The following TENM2 variants were observed in gnomAD, a reference collection of about 807,000 sequenced individuals.
TENM2 encodes teneurin-2.
In TENM2, 52 loss-of-function variants were observed where a neutral mutation model predicts 245.2. The ratio of observed to expected loss-of-function variants is 0.21; its 90% CI spans 0.17 to 0.27. TENM2 has a LOEUF of 0.27. TENM2 is among the 10% of genes least tolerant of loss of function. TENM2 has a pLI of 1.00. For synonymous variants in TENM2, 1,363 were observed against 1,438.9 expected, an observed-to-expected ratio of 0.95 and a Z score of 1.19; for missense variants, 3,046 against 3,666.8, an observed-to-expected ratio of 0.83 and a Z score of 4.37.
chr5:167,336,779 C>T (rs554504118), intron 1 of TENM2, among the ~76,000 whole-genome samples: 2 of 150,562 alleles, frequency 1.3e-5, no homozygotes, highest in Admixed American at 6.6e-5. Context: ...TTTGGATTTT[C>T]AGATTAGGGA....
At chr5:168,109,475 C>T (rs560227254) in intron 9 of TENM2, among the ~76,000 whole-genome samples, 2 of 152,308 alleles carry the variant, frequency 1.3e-5, no homozygotes, top group East Asian at 1.9e-4. Context: ...AAGACCCTTG[C>T]CCAGGTATGG....
the TENM2 span, among the ~76,000 whole-genome samples, chr5:167,144,379 C>T: frequency 6.6e-6 from 1 of 152,184 alleles, no homozygotes; most frequent in African/African-American, 2.4e-5. Context: ...ATTAAGCGGG[C>T]AGTTGTCTCA....
chr5:167,773,738 T>C (rs182520809), intron 2 of TENM2, among the ~76,000 whole-genome samples: 2 of 152,214 alleles, frequency 1.3e-5, no homozygotes, highest in African/African-American at 2.4e-5. Flanking sequence ...ATTTTTTTTT[T>C]AAATGAAGCC....
chr5:168,254,732 A>G (rs906004319), intron 27 of TENM2, among the ~76,000 whole-genome samples: 7 of 152,134 alleles, frequency 4.6e-5, no homozygotes, highest in East Asian at 1.9e-4. Flanking sequence ...AAAGATCCCA[A>G]TGAGGAGAGT....
intron 3 of TENM2, among the ~76,000 whole-genome samples, chr5:167,883,727 C>T (rs942454318): frequency 3.3e-5 from 5 of 152,178 alleles, no homozygotes; most frequent in Non-Finnish European, 7.3e-5. Context: ...CAGTTTCGTG[C>T]CCTAGTAATT....
Position 167,387,172 on chromosome 5 carries a change from A to G in TENM2, c.502+11699A>G, listed in dbSNP as rs570369138. On this transcript the variant is annotated intron_variant, in intron 2 of 28. Coordinates refer to ENST00000518659, the Ensembl canonical transcript of TENM2. Reference sequence around the variant, plus strand: ...GTGTTTCCATTTGTTTGTGTCGCCTATGATTTCTTTAGGCAGTGTTTTGTA... The same window carrying G: ...GTGTTTCCATTTGTTTGTGTCGCCTGTGATTTCTTTAGGCAGTGTTTTGTA... Among the ~76,000 whole-genome samples, 5 of 152,152 alleles carry G rather than the reference A, an allele frequency of 3.3e-5. 1 individual carries two copies. Among genetic ancestry groups the G allele is most frequent in the South Asian group, 2.1e-4 (1 of 4,826 alleles).
At chr5:167,247,848 A>C in the TENM2 span, among the ~76,000 whole-genome samples, 1 of 152,142 alleles carries the variant, frequency 6.6e-6, no homozygotes. Context: ...AGGAACATGA[A>C]ATTAAATGTT....
the TENM2 span, among the ~76,000 whole-genome samples, chr5:167,115,843 G>A: frequency 6.6e-6 from 1 of 152,132 alleles, no homozygotes; most frequent in Admixed American, 6.5e-5. Flanking sequence ...GTATAAAATA[G>A]GGGTCAAGAG....
the TENM2 span, among the ~76,000 whole-genome samples, chr5:167,006,950 C>T: frequency 2.3e-4 from 35 of 152,266 alleles, no homozygotes; most frequent in Middle Eastern, 3.4e-3. Context: ...GTATTACAGG[C>T]GTGAGCCACC....
At chr5:167,047,282 C>G in the TENM2 span, among the ~76,000 whole-genome samples, 1 of 152,182 alleles carries the variant, frequency 6.6e-6, no homozygotes, top group Non-Finnish European at 1.5e-5. Flanking sequence ...AGCTTTTCTA[C>G]ACTGCTTGGT....
intron 20 of TENM2, 129 bp from the exon 23 acceptor site, chr5:168,214,911 T>C: frequency 1.3e-6 from 1 of 757,700 alleles, no homozygotes; most frequent in South Asian, 1.5e-5. Flanking sequence ...TTAGATTCTT[T>C]CCAGTTCACT....
At chr5:167,819,247 A>G (rs1259835907) in intron 2 of TENM2, among the ~76,000 whole-genome samples, 2 of 152,058 alleles carry the variant, frequency 1.3e-5, no homozygotes, top group African/African-American at 4.8e-5. Flanking sequence ...TGTGTTCTCT[A>G]TCCATTGCTT....
At chr5:167,400,185 G>A (rs1282031677) in intron 2 of TENM2, among the ~76,000 whole-genome samples, 1 of 152,102 alleles carries the variant, frequency 6.6e-6, no homozygotes, top group African/African-American at 2.4e-5. Context: ...GAGAGAAGCA[G>A]GACTTGAACC....
chr5:167,686,840 A>T (rs1383811017), intron 2 of TENM2, among the ~76,000 whole-genome samples: 1 of 152,154 alleles, frequency 6.6e-6, no homozygotes, highest in Non-Finnish European at 1.5e-5. Context: ...CCCCATTTCT[A>T]TTAGGTTGAT....
the TENM2 span, among the ~76,000 whole-genome samples, chr5:167,082,179 C>T: frequency 1.3e-5 from 2 of 152,128 alleles, no homozygotes; most frequent in African/African-American, 4.8e-5. Context: ...ATGATTACTA[C>T]AGCATTATTA....
In TENM2 at chr5:168,216,757, G is replaced by A. The variant is rs752344112; in HGVS notation, c.4079-11G>A. 3.1e-6 allele frequency: 5 copies of A among 1,613,638 alleles called. No homozygotes were observed. The highest frequency in any genetic ancestry group is 3.4e-6 in the Non-Finnish European group (4 of 1,179,746). On this transcript the variant is annotated splice_polypyrimidine_tract_variant and intron_variant, in intron 21 of 28. Coordinates refer to ENST00000518659, the Ensembl canonical transcript of TENM2. ...TCCAAGAGATAAATCCACACCGCTT[G>A]TCTTGCTCAGGTATTGCAGTAGACA...
At chr5:167,236,859 C>G in the TENM2 span, among the ~76,000 whole-genome samples, 1 of 151,240 alleles carries the variant, frequency 6.6e-6, no homozygotes, top group African/African-American at 2.4e-5. Flanking sequence ...TTCTTCCACT[C>G]AGCCTGTCTC....
At chr5:167,529,517 T>C (rs1399349839) in intron 2 of TENM2, among the ~76,000 whole-genome samples, 1 of 152,238 alleles carries the variant, frequency 6.6e-6, no homozygotes. Flanking sequence ...AGGAGAACTT[T>C]CCTGTCTTTT....
chr5:167,586,525 C>A (rs185679220), intron 2 of TENM2, among the ~76,000 whole-genome samples: 3 of 152,350 alleles, frequency 2.0e-5, no homozygotes, highest in Admixed American at 1.3e-4. Flanking sequence ...AGGATGGTAG[C>A]AGACTGTTCA....
Sources: allele counts gnomAD v4.1 joint callset (sites outside exome capture counted in the v4.1 genomes callset), GRCh38; gene constraint gnomAD v4.1.1; transcripts MANE v1.5; gene names NCBI Gene and HGNC (gene_info 2026-07-23, HGNC 2026-07-21).